The following MAP3K5 variants were observed in gnomAD, a reference collection of about 807,000 sequenced individuals.
MAP3K5 encodes ASK-1.
MAP3K5 carries 56 observed loss-of-function variants against 158.7 expected under a neutral mutation model. The observed-to-expected ratio is 0.35, with a 90% CI of 0.28 to 0.44. MAP3K5 has a LOEUF of 0.44. Among genes scored for constraint, MAP3K5 ranks in the 20% least tolerant of loss-of-function variants. The pLI, the probability that MAP3K5 is intolerant of heterozygous loss-of-function variation, is 1.00. For missense variants in MAP3K5, 1,294 were observed against 1,674.8 expected (o/e 0.77, Z 3.97); for synonymous variants, 579 against 601.7 (o/e 0.96, Z 0.55).
At chr6:136,594,295 T>C (rs975720059) in intron 21 of MAP3K5, among the ~76,000 whole-genome samples, 1 of 152,120 alleles carries the variant, frequency 6.6e-6, no homozygotes, top group Non-Finnish European at 1.5e-5. Context: ...TTGCTGGTAA[T>C]AGTAAGGTTG....
At chr6:136,597,849 C>A (rs1775700378) in intron 21 of MAP3K5, among the ~76,000 whole-genome samples, 1 of 152,232 alleles carries the variant, frequency 6.6e-6, no homozygotes, top group African/African-American at 2.4e-5. Context: ...ATGGTCACTA[C>A]TACCCACATA....
At chr6:136,736,774 A>T (rs1782478757) in intron 1 of MAP3K5, among the ~76,000 whole-genome samples, 1 of 152,014 alleles carries the variant, frequency 6.6e-6, no homozygotes, top group East Asian at 1.9e-4. Context: ...CACTGGGCTC[A>T]ACTGATCCTC....
intron 1 of MAP3K5, among the ~76,000 whole-genome samples, chr6:136,773,005 T>G (rs974642541): frequency 3.9e-5 from 6 of 152,146 alleles, no homozygotes. Context: ...CAGTGTGAAT[T>G]CAAATTTCTC....
chr6:136,702,959 G>T (rs1184822085), intron 3 of MAP3K5, among the ~76,000 whole-genome samples: 3 of 151,932 alleles, frequency 2.0e-5, no homozygotes, highest in Non-Finnish European at 4.4e-5. Context: ...GCCTCCCAAA[G>T]TGCTGGGATT....
At chr6:136,602,127 T>A in intron 19 of MAP3K5, 148 bp from the exon 20 acceptor site, 2 of 645,892 alleles carry the variant, frequency 3.1e-6, no homozygotes, top group Non-Finnish European at 5.3e-6. Context: ...GGAGATAAGA[T>A]GTGTTTGCTG....
chr6:136,728,717 G>C (rs924913795), intron 1 of MAP3K5, among the ~76,000 whole-genome samples: 1 of 152,096 alleles, frequency 6.6e-6, no homozygotes, highest in African/African-American at 2.4e-5. Flanking sequence ...TATTGCCAAA[G>C]CAAATTATTC....
intron 1 of MAP3K5, among the ~76,000 whole-genome samples, chr6:136,780,530 A>G (rs1302981872): frequency 6.6e-6 from 1 of 152,092 alleles, no homozygotes; most frequent in Admixed American, 6.5e-5. Context: ...ATTTGTAGAG[A>G]GTTGTTATTT....
chr6:136,778,371 T>C (rs1226796927), intron 1 of MAP3K5, among the ~76,000 whole-genome samples: 1 of 152,216 alleles, frequency 6.6e-6, no homozygotes, highest in Non-Finnish European at 1.5e-5. Flanking sequence ...CACAGTTCAA[T>C]GAAATGATCT....
At chr6:136,764,836 G>A (rs1004824491) in intron 1 of MAP3K5, among the ~76,000 whole-genome samples, 31 of 152,092 alleles carry the variant, frequency 2.0e-4, no homozygotes, top group African/African-American at 7.2e-4. Context: ...TATGTAAGAG[G>A]CAGAACTGAA....
At chr6:136,642,755 T>G (rs1778044384) in intron 11 of MAP3K5, among the ~76,000 whole-genome samples, 186 bp from the exon 12 acceptor site, 1 of 152,144 alleles carries the variant, frequency 6.6e-6, no homozygotes, top group African/African-American at 2.4e-5. Context: ...ATGATTACTC[T>G]ACTTAATAAT....
At chr6:136,563,696 T>A (rs1275923082) in intron 26 of MAP3K5, among the ~76,000 whole-genome samples, 6 of 152,266 alleles carry the variant, frequency 3.9e-5, no homozygotes, top group African/African-American at 1.4e-4. Flanking sequence ...CTACTCACCA[T>A]TTCCAATAGA....
chr6:136,573,663 G>A (rs1041566208), intron 25 of MAP3K5, among the ~76,000 whole-genome samples: 12 of 152,170 alleles, frequency 7.9e-5, no homozygotes, highest in Admixed American at 7.9e-4. Context: ...GATAGAGAAA[G>A]AGGGAAGTGT....
At position 136,672,954 on chromosome 6, in the gene MAP3K5, C is replaced by T. The variant is rs1779546205; in HGVS notation, c.1254-3559G>A. Among the ~76,000 whole-genome samples, 3 of 150,064 alleles carry T rather than the reference C, an allele frequency of 2.0e-5. No homozygotes were observed. The South Asian group carries it at 6.3e-4, about 32-fold the overall frequency. ...GCAGTGAGCCAAGATCACACCACTGCCCTCCTCCCTGGGCAACAGAGAAAG... is the reference window on the plus strand; with the variant it reads ...GCAGTGAGCCAAGATCACACCACTGTCCTCCTCCCTGGGCAACAGAGAAAG... On this transcript the variant is annotated intron_variant, in intron 7 of 29. Transcript: ENST00000359015.
chr6:136,566,140 C>T (rs1038429140), intron 26 of MAP3K5, among the ~76,000 whole-genome samples: 2 of 151,980 alleles, frequency 1.3e-5, no homozygotes, highest in Non-Finnish European at 2.9e-5. Flanking sequence ...CAGACAGTGG[C>T]GCCAGGGTGG....
intron 2 of MAP3K5, among the ~76,000 whole-genome samples, chr6:136,713,132 A>G (rs1477799555): frequency 1.3e-5 from 2 of 152,232 alleles, no homozygotes; most frequent in South Asian, 2.1e-4. Context: ...TCATTTATAT[A>G]GCATAAGTGA....
chr6:136,631,654 T>G (rs561397276), intron 14 of MAP3K5, among the ~76,000 whole-genome samples: 1 of 152,258 alleles, frequency 6.6e-6, no homozygotes, highest in African/African-American at 2.4e-5. Context: ...CTCCCATCCA[T>G]ATCTCTCTCC....
intron 1 of MAP3K5, among the ~76,000 whole-genome samples, chr6:136,790,461 G>A (rs1238414482): frequency 1.3e-5 from 2 of 152,144 alleles, no homozygotes; most frequent in African/African-American, 4.8e-5. Flanking sequence ...GCTACCCAAA[G>A]AATCAAGCTA....
At chr6:136,659,102 T>C (rs1383391627) in intron 9 of MAP3K5, 117 bp downstream of exon 9, 2 of 935,866 alleles carry the variant, frequency 2.1e-6, no homozygotes, top group Non-Finnish European at 1.6e-6. Flanking sequence ...TCCTCTATAT[T>C]CTGCATTTTA....
At chr6:136,622,300 T>A (rs1473784532) in intron 15 of MAP3K5, among the ~76,000 whole-genome samples, 1 of 152,028 alleles carries the variant, frequency 6.6e-6, no homozygotes, top group African/African-American at 2.4e-5. Context: ...TACAGTTCAG[T>A]TTTCCTACCC....
Sources: allele counts gnomAD v4.1 joint callset (sites outside exome capture counted in the v4.1 genomes callset), GRCh38; gene constraint gnomAD v4.1.1; transcripts MANE v1.5; gene names NCBI Gene and HGNC (gene_info 2026-07-23, HGNC 2026-07-21).